Variants in RMDN1 observed in about 807,000 individuals in gnomAD.
The protein encoded by RMDN1 is regulator of microtubule dynamics protein 1.
A neutral mutation model predicts 48.9 loss-of-function variants in RMDN1; 48 were observed. That is an observed-to-expected ratio of 0.98 (90% confidence interval 0.78 to 1.25). The LOEUF is 1.25. Among genes scored for constraint, RMDN1 ranks in the 50% most tolerant of loss-of-function variants. The pLI is 0.00. For synonymous variants in RMDN1, 148 were observed against 132.6 expected, an observed-to-expected ratio of 1.12 and a Z score of -0.80; for missense variants, 418 against 373.4, an observed-to-expected ratio of 1.12 and a Z score of -0.98.
intron 6 of RMDN1, among the ~76,000 whole-genome samples, chr8:86,479,913 C>T (rs1248426440): frequency 6.6e-6 from 1 of 152,060 alleles, no homozygotes; most frequent in Non-Finnish European, 1.5e-5. Flanking sequence ...TTATATGGTT[C>T]CTCAGATTAA....
chr8:86,494,967 C>CT (rs1398936801), intron 2 of RMDN1: 2 of 421,498 alleles, frequency 4.7e-6, no homozygotes, highest in Admixed American at 2.9e-5. Context: ...CAGCGAGACT[C>CT]TGTCTCAAAA....
At chr8:86,492,651 T>TTAA (rs71574272) in intron 2 of RMDN1, among the ~76,000 whole-genome samples, 11,638 of 144,150 alleles carry the variant, frequency 0.081, 812 homozygotes, top group African/African-American at 0.19. Flanking sequence ...AGACTCCGCC[T>TTAA]TAATAATAAT....
At chr8:86,481,750 T>TA (rs1814496552) in intron 5 of RMDN1, 1 of 865,428 alleles carries the variant, frequency 1.2e-6, no homozygotes. Flanking sequence ...TAATTCCTAT[T>TA]TTTTTAGCTT....
At chr8:86,469,947 A>G (rs1812401680), downstream of RMDN1, among the ~76,000 whole-genome samples, 2 of 152,150 alleles carry the variant, frequency 1.3e-5, no homozygotes, top group Non-Finnish European at 2.9e-5. Context: ...GTTGTCTTTA[A>G]TGATGCTTAT....
At chr8:86,505,934 T>A (rs1218720379) in intron 2 of RMDN1, among the ~76,000 whole-genome samples, 1 of 152,236 alleles carries the variant, frequency 6.6e-6, no homozygotes, top group Non-Finnish European at 1.5e-5. Context: ...TTGGAACTTT[T>A]TTCTTTTAAT....
chr8:86,511,354 G>GT (rs899226626), upstream of RMDN1, among the ~76,000 whole-genome samples: 2 of 151,780 alleles, frequency 1.3e-5, no homozygotes, highest in Non-Finnish European at 2.9e-5. Flanking sequence ...GGTGCCTGTA[G>GT]TCCCAGCTAC....
intron 5 of RMDN1, among the ~76,000 whole-genome samples, chr8:86,481,501 G>T (rs1586626736): frequency 6.6e-6 from 1 of 150,928 alleles, no homozygotes; most frequent in East Asian, 1.9e-4. Context: ...TAGATGCATA[G>T]GAAGGAAGTT....
intron 5 of RMDN1, chr8:86,483,017 C>T (rs1477971721): frequency 1.0e-5 from 6 of 601,252 alleles, no homozygotes; most frequent in Non-Finnish European, 1.8e-5. Flanking sequence ...GAGGCAGCCG[C>T]CCAGGCCAGG....
Position 86,508,595 on chromosome 8 carries a change from C to A in RMDN1, c.26G>T (p.Arg9Leu). The A allele has an allele frequency of 6.2e-7, 1 of 1,604,372 alleles. No homozygotes were observed. The highest frequency in any genetic ancestry group is 8.5e-7 in the Non-Finnish European group (1 of 1,176,674). The change falls in exon 1 of 10, where the codon CGC (arginine) becomes CTC (leucine). Residue 9 changes from arginine to leucine, a missense_variant. Coordinates refer to ENST00000406452, the MANE Select transcript of RMDN1 (RefSeq NM_016033.3). The stretch of plus-strand genomic sequence containing the variant: ...GGCTCCACGTCGGAAAGGCAGAAGG[C>A]GCCACAGTCGAGCAGCCAGCGCCAT... MALAARLW[R>L]LLPFRRGAAP...
chr8:86,494,197 G>A (rs1446277476), intron 2 of RMDN1, among the ~76,000 whole-genome samples: 1 of 152,194 alleles, frequency 6.6e-6, no homozygotes, highest in Non-Finnish European at 1.5e-5. Context: ...TAATGGAATA[G>A]ACTACAGAAC....
intron 1 of RMDN1, 94 bp downstream of exon 1, chr8:86,508,398 T>A: frequency 7.3e-7 from 1 of 1,367,792 alleles, no homozygotes. Flanking sequence ...ACCACATTCC[T>A]TAGGCAGCGC....
chr8:86,479,403 C>T (rs2130635767), intron 6 of RMDN1, among the ~76,000 whole-genome samples: 1 of 152,236 alleles, frequency 6.6e-6, no homozygotes, highest in Admixed American at 6.5e-5. Context: ...CAAAGCTAAA[C>T]ATCAAATGTA....
chr8:86,472,285 A>G (rs1812672454), downstream of RMDN1: 1 of 611,674 alleles, frequency 1.6e-6, no homozygotes, highest in South Asian at 2.0e-5. Flanking sequence ...CTTTCTGAGC[A>G]CCAAAATGAT....
intron 1 of RMDN1, among the ~76,000 whole-genome samples, chr8:86,513,692 C>T (rs1820166240): frequency 6.6e-6 from 1 of 152,162 alleles, no homozygotes. Context: ...AATGGGTATA[C>T]TGGCACCAAA....
At chr8:86,513,039 C>T (rs11986423), upstream of RMDN1, among the ~76,000 whole-genome samples, 22,103 of 149,908 alleles carry the variant, frequency 0.15, 1,791 homozygotes, top group Non-Finnish European at 0.19. Flanking sequence ...AAACCTTCAC[C>T]CATTTTTCTA....
chr8:86,477,802 A>C (rs1400991881), intron 7 of RMDN1, among the ~76,000 whole-genome samples: 1 of 152,082 alleles, frequency 6.6e-6, no homozygotes, highest in Non-Finnish European at 1.5e-5. Context: ...TTTGTAATGC[A>C]TTCTCTAATG....
chr8:86,476,339 A>G (rs1813376913), intron 8 of RMDN1, among the ~76,000 whole-genome samples: 1 of 152,244 alleles, frequency 6.6e-6, no homozygotes, highest in Non-Finnish European at 1.5e-5. Context: ...TTACAGAGAT[A>G]AAACATTCAG....
At chr8:86,500,997 G>A (rs2131179012) in intron 2 of RMDN1, among the ~76,000 whole-genome samples, 1 of 152,248 alleles carries the variant, frequency 6.6e-6, no homozygotes. Flanking sequence ...ACTAAACACT[G>A]AGTACACATG....
upstream of RMDN1, among the ~76,000 whole-genome samples, chr8:86,511,824 A>C (rs1014138269): frequency 2.7e-5 from 4 of 145,868 alleles, no homozygotes; most frequent in Admixed American, 6.6e-5. Context: ...CTCAAAAAAA[A>C]AAAAAGAAAA....
Sources: gnomAD v4.1 joint callset for allele counts (sites outside exome capture counted in the v4.1 genomes callset) on GRCh38, gnomAD v4.1.1 for gene constraint, MANE v1.5 for transcripts, NCBI Gene and HGNC (gene_info 2026-07-23, HGNC 2026-07-21) for gene names.